ADARB2: variants seen among roughly 807,000 people sequenced by gnomAD.
ADARB2 encodes adenosine deaminase RNA specific B2 (inactive).
ADARB2 carries 25 observed loss-of-function variants against 62.2 expected under a neutral mutation model. The observed-to-expected ratio is 0.40, with a 90% CI of 0.29 to 0.56. ADARB2 has a LOEUF of 0.56. Ranked by LOEUF, ADARB2 falls within the 20% of genes least tolerant of loss-of-function variation. The probability of loss-of-function intolerance (pLI) is 0.43; values close to 1 mark genes in which losing one functional copy is unlikely to be tolerated. For missense variants in ADARB2, 1,071 were observed against 1,077.4 expected (o/e 0.99, Z 0.08); for synonymous variants, 572 against 500.8 (o/e 1.14, Z -1.90).
chr10:1,217,313 G>A (rs903009346), intron 6 of ADARB2, among the ~76,000 whole-genome samples, 194 bp from the exon 7 acceptor site: 58 of 152,180 alleles, frequency 3.8e-4, no homozygotes, highest in Admixed American at 3.9e-4. Flanking sequence ...CGCCTGGGCC[G>A]GGCCAACTTC....
chr10:1,553,191 A>T (rs4631810), intron 1 of ADARB2, among the ~76,000 whole-genome samples: 95,279 of 152,116 alleles, frequency 0.63, 30,165 homozygotes, highest in Non-Finnish European at 0.65. Context: ...AATTACCAAA[A>T]AAATGTCACT....
intron 3 of ADARB2, among the ~76,000 whole-genome samples, chr10:1,314,193 AACC>A (rs1280535308): frequency 2.0e-5 from 3 of 152,078 alleles, no homozygotes; most frequent in African/African-American, 7.2e-5. Flanking sequence ...TCATTTTGAA[AACC>A]ACCAAGAGGA....
At chr10:1,723,386 A>C (rs1448734071) in intron 1 of ADARB2, among the ~76,000 whole-genome samples, 1 of 152,124 alleles carries the variant, frequency 6.6e-6, no homozygotes, top group African/African-American at 2.4e-5. Context: ...TCCCTTCTTA[A>C]GCAAAGAACA....
chr10:1,508,608 G>A (rs1324741845), intron 1 of ADARB2, among the ~76,000 whole-genome samples: 2 of 152,160 alleles, frequency 1.3e-5, no homozygotes, highest in African/African-American at 2.4e-5. Flanking sequence ...GGTGAAACCC[G>A]TCTCCACAGA....
intron 1 of ADARB2, among the ~76,000 whole-genome samples, chr10:1,705,533 G>T (rs1834878038): frequency 6.6e-6 from 1 of 152,188 alleles, no homozygotes; most frequent in East Asian, 1.9e-4. Context: ...AGCTGAGCGG[G>T]GGTTAATGAA....
intron 1 of ADARB2, among the ~76,000 whole-genome samples, chr10:1,616,774 A>G (rs1335009608): frequency 1.4e-5 from 2 of 142,638 alleles, no homozygotes. Context: ...TGAGCTCTGC[A>G]TCCTGGGAAC....
chr10:1,486,421 C>T (rs73582330), intron 1 of ADARB2, among the ~76,000 whole-genome samples: 5,971 of 152,166 alleles, frequency 0.039, 383 homozygotes, highest in African/African-American at 0.13. Flanking sequence ...TCTGGAGAGT[C>T]GAACAATATA....
chr10:1,626,483 C>G (rs1329989282), intron 1 of ADARB2, among the ~76,000 whole-genome samples: 1 of 152,236 alleles, frequency 6.6e-6, no homozygotes, highest in Non-Finnish European at 1.5e-5. Flanking sequence ...CCGGGGCTTC[C>G]TCTGCTCAGC....
intron 1 of ADARB2, among the ~76,000 whole-genome samples, chr10:1,606,326 G>T (rs1477200467): frequency 1.3e-5 from 2 of 151,510 alleles, no homozygotes; most frequent in African/African-American, 2.4e-5. Flanking sequence ...GAGCGGGGGG[G>T]AGCATCCTGG....
At chr10:1,297,367 A>AAGTTTTTACACATCCAGTTATTTT (rs1831532274) in intron 3 of ADARB2, among the ~76,000 whole-genome samples, 1 of 152,150 alleles carries the variant, frequency 6.6e-6, no homozygotes, top group Non-Finnish European at 1.5e-5. Context: ...AGCCAAACTC[A>AAGTTTTTACACATCCAGTTATTTT]AGTTTTTACA....
intron 1 of ADARB2, among the ~76,000 whole-genome samples, chr10:1,647,599 T>C (rs913281385): frequency 6.6e-6 from 1 of 151,720 alleles, no homozygotes; most frequent in South Asian, 2.1e-4. Flanking sequence ...TGTGTATATA[T>C]GTCTGTGTGG....
intron 7 of ADARB2, among the ~76,000 whole-genome samples, chr10:1,210,899 A>T (rs1454998599): frequency 6.6e-6 from 1 of 152,186 alleles, no homozygotes; most frequent in Non-Finnish European, 1.5e-5. Flanking sequence ...TGGAGCCATC[A>T]TAGCCAAGTC....
At chr10:1,208,360 C>T (rs1055222444) in intron 7 of ADARB2, among the ~76,000 whole-genome samples, 8 of 152,178 alleles carry the variant, frequency 5.3e-5, no homozygotes, top group Admixed American at 6.5e-5. Context: ...TCCCTGGGTG[C>T]GTGTGGCTGG....
At chr10:1,444,799 A>G (rs1371649311) in intron 1 of ADARB2, among the ~76,000 whole-genome samples, 1 of 144,446 alleles carries the variant, frequency 6.9e-6, no homozygotes, top group African/African-American at 2.6e-5. Context: ...CCACCCACTC[A>G]TTCATTCTTC....
In ADARB2 at chr10:1,363,714, C is replaced by T; in HGVS notation, c.391G>A (p.Val131Met). ...CCCGGCCTCAGCTCGTGCAGCTGCA[C>T]CAGCGCGTTCTTGGGCGCCACCGAC... ...SWSVAPKNAL[V>M]QLHELRPGLQ... Residue 131 changes from valine to methionine, a missense_variant, in exon 3 of 10, where the codon GTG becomes ATG. Transcript: ENST00000381312. 6.2e-7 allele frequency: 1 copy of T among 1,611,462 alleles called. No individual in the cohort carries two copies. Among genetic ancestry groups the T allele is most frequent in the Non-Finnish European group, 8.5e-7 (1 of 1,179,516 alleles).
At chr10:1,705,707 G>A (rs1254112027) in intron 1 of ADARB2, among the ~76,000 whole-genome samples, 1 of 152,206 alleles carries the variant, frequency 6.6e-6, no homozygotes, top group African/African-American at 2.4e-5. Context: ...TCCACCTAAA[G>A]CTGTTCTTAC....
chr10:1,228,281 G>C (rs904605138), intron 6 of ADARB2, among the ~76,000 whole-genome samples: 1 of 152,188 alleles, frequency 6.6e-6, no homozygotes, highest in African/African-American at 2.4e-5. Flanking sequence ...TGTAAGAACT[G>C]AGTTTACCAG....
intron 1 of ADARB2, among the ~76,000 whole-genome samples, chr10:1,430,667 G>A (rs749804766): frequency 3.3e-5 from 5 of 152,132 alleles, no homozygotes; most frequent in Admixed American, 6.5e-5. Context: ...TTGAATCTGG[G>A]AGGCGGAGGT....
chr10:1,394,921 T>C (rs1832598833), intron 1 of ADARB2: 2 of 456,378 alleles, frequency 4.4e-6, no homozygotes, highest in Non-Finnish European at 8.8e-6. Flanking sequence ...TTCTTCTTCC[T>C]CTCTCTCTTT....
Sources: allele counts gnomAD v4.1 joint callset (sites outside exome capture counted in the v4.1 genomes callset), GRCh38; gene constraint gnomAD v4.1.1; transcripts MANE v1.5; gene names NCBI Gene and HGNC (gene_info 2026-07-23, HGNC 2026-07-21).